Variants in TRAIP observed in about 807,000 individuals in gnomAD.
TRAIP encodes TRAF interacting protein, also known as E3 ubiquitin-protein ligase TRAIP.
A neutral mutation model predicts 65.0 loss-of-function variants in TRAIP; 37 were observed. The observed-to-expected ratio is 0.57, with a 90% CI of 0.44 to 0.75. The LOEUF (loss-of-function observed/expected upper bound fraction) is 0.75, where lower values mean the gene tolerates loss of function less well. Ranked by LOEUF, TRAIP falls within the 30% of genes least tolerant of loss-of-function variation. The pLI is 0.00. For missense variants in TRAIP, 481 were observed against 579.4 expected, an observed-to-expected ratio of 0.83 and a Z score of 1.74; for synonymous variants, 187 against 219.1, an observed-to-expected ratio of 0.85 and a Z score of 1.29.
rs778653113 is a variant in TRAIP at position 49,848,171 on chromosome 3, C to A, written c.128G>T (p.Ser43Ile). ...GATTCGGCACTGTGGGCAGGTCCGACTTGGTGCTGTCTCAAACCACTGAAT... is the reference window on the plus strand; with the variant it reads ...GATTCGGCACTGTGGGCAGGTCCGAATTGGTGCTGTCTCAAACCACTGAAT... Reference protein sequence around the residue: ...CLIQWFETAPSRTCPQCRIQV... With the variant: ...CLIQWFETAPIRTCPQCRIQV... The change falls in exon 2 of 15, where the codon AGT becomes ATT. Residue 43 changes from serine to isoleucine, a missense_variant. Physicochemically the swap from Ser to Ile is moderately radical, Grantham distance 142. Transcript: ENST00000331456. 6.2e-7 allele frequency: 1 copy of A among 1,614,242 alleles called. No homozygotes were observed. Among genetic ancestry groups the A allele is most frequent in the Non-Finnish European group, 8.5e-7 (1 of 1,180,038 alleles).
chr3:49,856,331 G>T, intron 1 of TRAIP, 25 bp downstream of exon 1: 1 of 1,604,502 alleles, frequency 6.2e-7, no homozygotes, highest in Non-Finnish European at 8.5e-7. Context: ...GGCAAACACC[G>T]GGCCCCAACA....
Position 49,840,831 on chromosome 3 carries a change from C to A in TRAIP, c.705+154G>T, listed in dbSNP as rs1996663. 1.1e-3 allele frequency among the ~76,000 whole-genome samples: 163 copies of A among 152,214 alleles called. 1 individual carries two copies. The highest frequency in any genetic ancestry group is 3.4e-3 in the Middle Eastern group (1 of 294). On this transcript the variant is annotated intron_variant, in intron 8 of 14. Coordinates refer to ENST00000331456, the MANE Select transcript of TRAIP (RefSeq NM_005879.3). Reference sequence around the variant, plus strand: ...ACAAGCCACATATTCAGGCCAATGCCCAGTAAGGACTGGTAACAAATTTCT... The same window carrying A: ...ACAAGCCACATATTCAGGCCAATGCACAGTAAGGACTGGTAACAAATTTCT...
chr3:49,853,027 C>T (rs571215203), intron 1 of TRAIP, among the ~76,000 whole-genome samples: 1 of 150,820 alleles, frequency 6.6e-6, no homozygotes, highest in East Asian at 2.0e-4. Flanking sequence ...GAGGCTGAGG[C>T]AGGAGAATTG....
intron 6 of TRAIP, 127 bp from the exon 7 acceptor site, chr3:49,842,066 G>A: frequency 2.7e-6 from 2 of 740,528 alleles, no homozygotes; most frequent in East Asian, 5.4e-5. Flanking sequence ...TGCTTTAGTA[G>A]GTGGGTGTGC....
intron 4 of TRAIP, chr3:49,844,159 A>T (rs2081863631): frequency 1.7e-6 from 1 of 599,034 alleles, no homozygotes; most frequent in African/African-American, 1.9e-5. Context: ...TACTTAGGAA[A>T]ATATTTTACT....
intron 10 of TRAIP, 91 bp from the exon 11 acceptor site, chr3:49,832,159 A>G (rs2081739903): frequency 7.3e-7 from 1 of 1,372,612 alleles, no homozygotes; most frequent in Admixed American, 2.8e-5. Context: ...AGCTCCAGGG[A>G]CCTGGAGCCC....
chr3:49,854,498 C>T (rs1228306830), intron 1 of TRAIP, among the ~76,000 whole-genome samples: 1 of 152,000 alleles, frequency 6.6e-6, no homozygotes, highest in Non-Finnish European at 1.5e-5. Context: ...ACCTTAATTT[C>T]TAGGATAACC....
chr3:49,833,371 G>C (rs879921860), intron 10 of TRAIP, among the ~76,000 whole-genome samples: 4 of 152,106 alleles, frequency 2.6e-5, no homozygotes, highest in Non-Finnish European at 5.9e-5. Flanking sequence ...TGCACCTCCT[G>C]GTCATCCACA....
Position 49,847,518 on chromosome 3 carries a change from T to C in TRAIP, c.240+7A>G, listed in dbSNP as rs1575398061. On this transcript the variant is annotated splice_region_variant and intron_variant, in intron 3 of 14. Coordinates refer to ENST00000331456, the MANE Select transcript of TRAIP (RefSeq NM_005879.3). ...GAGTTCAGTAGAATCAGATAAATTCTGGGTACCTTTAAGAATTCTGCATCC... is the reference window on the plus strand; with the variant it reads ...GAGTTCAGTAGAATCAGATAAATTCCGGGTACCTTTAAGAATTCTGCATCC... 2 of 1,594,154 alleles carry C rather than the reference T, an allele frequency of 1.3e-6. No individual in the cohort carries two copies. Among genetic ancestry groups the C allele is most frequent in the East Asian group, 2.2e-5 (1 of 44,572 alleles).
chr3:49,847,576 G>C lies in TRAIP; in HGVS notation c.189C>G (p.Phe63Leu). ...VGKRTIINKL[F>L]FDLAQEEENV... ...TCTCCTCCTCCTGGGCAAGATCAAA[G>C]AAGAGCTTATTGATAATGGTTCTTT... The change falls in exon 3 of 15, where the codon TTC (phenylalanine) becomes TTG (leucine). Residue 63 changes from phenylalanine to leucine, a missense_variant. Coordinates refer to ENST00000331456, the MANE Select transcript of TRAIP (RefSeq NM_005879.3). 1 of 1,611,506 alleles carries C rather than the reference G, an allele frequency of 6.2e-7. No individual in the cohort carries two copies. The highest frequency in any genetic ancestry group is 8.5e-7 in the Non-Finnish European group (1 of 1,179,326).
rs749372017 is a variant in TRAIP at position 49,848,164 on chromosome 3, G to T, written c.135C>A (p.Thr45=). The change falls in exon 2 of 15, where the codon ACC becomes ACA. Residue 45 remains threonine (T), a synonymous_variant. Coordinates refer to ENST00000331456, the MANE Select transcript of TRAIP (RefSeq NM_005879.3). ...IQWFETAPSR[T]CPQCRIQVGK... is the part of the protein sequence containing the mutation. ...TCACCTGGATTCGGCACTGTGGGCAGGTCCGACTTGGTGCTGTCTCAAACC... is the reference window on the plus strand; with the variant it reads ...TCACCTGGATTCGGCACTGTGGGCATGTCCGACTTGGTGCTGTCTCAAACC... The T allele has an allele frequency of 1.2e-6, 2 of 1,614,208 alleles. No individual in the cohort carries two copies. Among genetic ancestry groups the T allele is most frequent in the Admixed American group, 3.3e-5 (2 of 60,028 alleles).
chr3:49,845,915 C>T (rs1451964488), intron 3 of TRAIP, among the ~76,000 whole-genome samples: 1 of 152,222 alleles, frequency 6.6e-6, no homozygotes, highest in African/African-American at 2.4e-5. Context: ...GACATCATGA[C>T]ACCCTGGGGC....
chr3:49,835,220 A>T (rs2081771495), intron 10 of TRAIP, among the ~76,000 whole-genome samples: 1 of 152,180 alleles, frequency 6.6e-6, no homozygotes, highest in Admixed American at 6.5e-5. Flanking sequence ...AAAAAAATTA[A>T]ATATGATTAC....
intron 6 of TRAIP, 44 bp downstream of exon 6, chr3:49,842,409 C>A: frequency 6.3e-7 from 1 of 1,586,614 alleles, no homozygotes. Flanking sequence ...CACTTGCAGG[C>A]CCTGGGGGCA....
In TRAIP at chr3:49,856,432, TGCACAGAGCACGGATAG is replaced by T; in HGVS notation, c.5_21del (p.Pro2HisfsTer32). On this transcript the variant is annotated frameshift_variant, in exon 1 of 15. Transcript: ENST00000331456. LOFTEE classifies it high-confidence loss of function. Reference sequence around the variant, plus strand: ...TGATCGAAGAAGTCGGAGCAGATAGTGCACAGAGCACGGATAGGCATGATGGCTGGACTCAAGGGGCC... The same window carrying T: ...TGATCGAAGAAGTCGGAGCAGATAGTGCATGATGGCTGGACTCAAGGGGCC... 6.2e-7 allele frequency: 1 copy of T among 1,614,098 alleles called. No individual in the cohort carries two copies. Among genetic ancestry groups the T allele is most frequent in the African/African-American group, 1.3e-5 (1 of 75,046 alleles).
intron 1 of TRAIP, among the ~76,000 whole-genome samples, chr3:49,855,303 C>G (rs2081961450): frequency 1.3e-5 from 2 of 151,742 alleles, no homozygotes; most frequent in Non-Finnish European, 2.9e-5. Context: ...CAAAAATTAG[C>G]TGGGCGTGGT....
intron 1 of TRAIP, among the ~76,000 whole-genome samples, chr3:49,848,779 T>G (rs1355452662): frequency 6.6e-6 from 1 of 152,170 alleles, no homozygotes; most frequent in Non-Finnish European, 1.5e-5. Context: ...GAAGTGATTA[T>G]TACAGTGTAT....
chr3:49,840,592 C>A (rs1275927775), intron 8 of TRAIP: 7 of 575,046 alleles, frequency 1.2e-5, no homozygotes, highest in Non-Finnish European at 1.9e-5. Context: ...TGTGGATGCA[C>A]CATGCCAGAA....
chr3:49,850,596 G>A (rs1352117986), intron 1 of TRAIP, among the ~76,000 whole-genome samples: 1 of 151,042 alleles, frequency 6.6e-6, no homozygotes, highest in African/African-American at 2.4e-5. Flanking sequence ...GGTAGGGGTT[G>A]GAAGAGCATA....
Sources: allele counts gnomAD v4.1 joint callset (sites outside exome capture counted in the v4.1 genomes callset), GRCh38; gene constraint gnomAD v4.1.1; transcripts MANE v1.5; gene names NCBI Gene and HGNC (gene_info 2026-07-23, HGNC 2026-07-21).